The following SEM1 variants were observed in gnomAD, a reference collection of about 807,000 sequenced individuals.
SEM1 encodes 26S proteasome complex subunit SEM1.
Under a neutral mutation model 12.7 loss-of-function variants are expected in SEM1, and 3 were observed. The observed-to-expected ratio is 0.24, with a 90% CI of 0.11 to 0.61. The LOEUF (loss-of-function observed/expected upper bound fraction) is 0.61. SEM1 is among the 20% of genes least tolerant of loss of function. SEM1 has a pLI of 0.88. For missense variants in SEM1, 59 were observed against 81.3 expected (o/e 0.73, Z 1.06); for synonymous variants, 30 against 27.8 (o/e 1.08, Z -0.25).
chr7:96,484,812 T>A, intron 3 of SEM1: 2 of 1,282,042 alleles, frequency 1.6e-6, no homozygotes, highest in South Asian at 2.5e-5. Context: ...CATTTATATC[T>A]TTGTTCCATT....
intron 2 of SEM1, among the ~76,000 whole-genome samples, chr7:96,512,617 C>T (rs1365721299): frequency 6.6e-6 from 1 of 152,104 alleles, no homozygotes; most frequent in Non-Finnish European, 1.5e-5. Flanking sequence ...AAAGCTCTCA[C>T]AGGAGCTACA....
chr7:96,632,995 G>C (rs1808321360), intron 2 of SEM1, among the ~76,000 whole-genome samples: 1 of 151,540 alleles, frequency 6.6e-6, no homozygotes. Flanking sequence ...TAATTTTCTT[G>C]AATTCTTGGA....
chr7:96,654,342 C>T (rs924166478), intron 2 of SEM1, among the ~76,000 whole-genome samples: 1 of 152,186 alleles, frequency 6.6e-6, no homozygotes, highest in African/African-American at 2.4e-5. Flanking sequence ...CATCCCTCTC[C>T]TAGTATAATC....
At chr7:96,700,698 A>T (rs1584873033) in intron 1 of SEM1, among the ~76,000 whole-genome samples, 1 of 152,348 alleles carries the variant, frequency 6.6e-6, no homozygotes, top group East Asian at 1.9e-4. Context: ...AACATTAAAC[A>T]CTACTTAAAC....
chr7:96,515,078 A>C (rs1198296447), intron 2 of SEM1, among the ~76,000 whole-genome samples: 1 of 152,170 alleles, frequency 6.6e-6, no homozygotes, highest in Non-Finnish European at 1.5e-5. Flanking sequence ...GAGCCCAGAA[A>C]GAGCCCCACA....
chr7:96,666,821 A>G (rs572835291), intron 2 of SEM1, among the ~76,000 whole-genome samples: 1 of 151,970 alleles, frequency 6.6e-6, no homozygotes, highest in African/African-American at 2.4e-5. Flanking sequence ...TGCAAGGCCT[A>G]TGTTCGTCCG....
At chr7:96,658,986 G>C (rs1809277925) in intron 2 of SEM1, among the ~76,000 whole-genome samples, 1 of 152,058 alleles carries the variant, frequency 6.6e-6, no homozygotes. Context: ...ATCTAGTAGA[G>C]GCCCTGAAGT....
chr7:96,534,288 T>C (rs1804724276), intron 2 of SEM1, among the ~76,000 whole-genome samples: 1 of 152,110 alleles, frequency 6.6e-6, no homozygotes, highest in Non-Finnish European at 1.5e-5. Flanking sequence ...TAACTGCCAC[T>C]GTGAGCTTGA....
chr7:96,588,131 G>C (rs567922241), intron 2 of SEM1, among the ~76,000 whole-genome samples: 1 of 152,240 alleles, frequency 6.6e-6, no homozygotes, highest in South Asian at 2.1e-4. Context: ...AACTTTTGGA[G>C]GCCGAGGTGG....
rs1789388104 is a variant in SEM1 at position 96,673,937 on chromosome 7, A to T, written c.171-78T>A. On this transcript the variant is annotated intron_variant, in intron 2 of 2. Transcript: ENST00000413065. ...CTGTGGGCTGCTTGACCACAGCATA[A>T]GCCTGGCCCATCCTGAAAAATGTAC... is the stretch of plus-strand genomic sequence containing the variant. 6.9e-6 allele frequency: 5 copies of T among 722,626 alleles called. No individual in the cohort carries two copies. In the South Asian group the frequency reaches 7.2e-5, roughly 10 times the overall value. 44.8% of individuals were successfully genotyped at this position (722,626 alleles called of 1,614,324 possible). A position where few individuals can be genotyped will look rare whatever the true frequency, so the allele number is the denominator to read the frequency against.
chr7:96,693,496 T>G (rs1789989303), intron 2 of SEM1, among the ~76,000 whole-genome samples: 1 of 151,976 alleles, frequency 6.6e-6, no homozygotes, highest in South Asian at 2.1e-4. Flanking sequence ...AAGATAAATC[T>G]TCATTACATT....
In SEM1 at chr7:96,484,777, T is replaced by C. The variant is rs911424156; in HGVS notation, c.257+48A>G. On this transcript the variant is annotated intron_variant, in intron 3 of 3. Transcript: ENST00000356686. ...GGGTGCCTTAAAAATCCTCTCACCA[T>C]ACAGAAAAGTTACCCATTTATATCC... 2 of 1,176,882 alleles carry C rather than the reference T, an allele frequency of 1.7e-6. 1 individual carries two copies. The highest frequency in any genetic ancestry group is 5.0e-4 in the Middle Eastern group (2 of 4,030). 72.9% of individuals were successfully genotyped at this position (1,176,882 alleles called of 1,614,324 possible).
intron 2 of SEM1, among the ~76,000 whole-genome samples, chr7:96,636,861 G>A (rs1808443948): frequency 6.6e-6 from 1 of 152,010 alleles, no homozygotes; most frequent in Non-Finnish European, 1.5e-5. Context: ...GGATTGGTCT[G>A]TTACTCATGG....
chr7:96,693,800 A>G (rs1368950039), intron 2 of SEM1, among the ~76,000 whole-genome samples: 5 of 129,480 alleles, frequency 3.9e-5, no homozygotes, highest in East Asian at 4.8e-4. Context: ...GTATATATAT[A>G]TATATAAAAT....
intron 2 of SEM1, among the ~76,000 whole-genome samples, chr7:96,515,848 AG>A: frequency 6.6e-6 from 1 of 152,040 alleles, no homozygotes; most frequent in Admixed American, 6.6e-5. Context: ...GACGCAGGGC[AG>A]GGAACATCAC....
At chr7:96,704,753 A>G (rs1185943704) in intron 1 of SEM1, among the ~76,000 whole-genome samples, 1 of 152,188 alleles carries the variant, frequency 6.6e-6, no homozygotes, top group Non-Finnish European at 1.5e-5. Flanking sequence ...CCTTTTTGGC[A>G]CTAGGTAAAC....
At chr7:96,568,175 C>A (rs558191142) in intron 2 of SEM1, among the ~76,000 whole-genome samples, 1 of 151,734 alleles carries the variant, frequency 6.6e-6, no homozygotes, top group Admixed American at 6.6e-5. Context: ...CTCTGAAATG[C>A]CCTAGATTTT....
chr7:96,486,109 G>A (rs1022410976), intron 2 of SEM1: 1 of 844,988 alleles, frequency 1.2e-6, no homozygotes, highest in African/African-American at 1.7e-5. Context: ...CAATGTTGCT[G>A]GCCTTTAGTT....
In SEM1 at chr7:96,521,303, G is replaced by A. The variant is rs939876734; in HGVS notation, c.171-14605C>T. Among the ~76,000 whole-genome samples, 11 of 152,150 alleles carry A rather than the reference G, an allele frequency of 7.2e-5. No homozygotes were observed. The South Asian group carries it at 1.5e-3, about 20-fold the overall frequency. ...TGTTATTCAGTGCCTCTGGCATATC[G>A]TGTTAAGATGAAAAACACAAGTTTG... On this transcript the variant is annotated intron_variant and NMD_transcript_variant, in intron 2 of 3. Coordinates refer to the SEM1 transcript ENST00000466986.
Sources: allele counts gnomAD v4.1 joint callset (sites outside exome capture counted in the v4.1 genomes callset), GRCh38; gene constraint gnomAD v4.1.1; transcripts MANE v1.5; gene names NCBI Gene and HGNC (gene_info 2026-07-23, HGNC 2026-07-21).